The following ARHGEF7 variants were observed in gnomAD, a reference collection of about 807,000 sequenced individuals.
ARHGEF7 encodes PAK-interacting exchange factor beta.
In ARHGEF7, 33 loss-of-function variants were observed where a neutral mutation model predicts 109.8. The ratio of observed to expected loss-of-function variants is 0.30; its 90% CI spans 0.23 to 0.40. The LOEUF (loss-of-function observed/expected upper bound fraction) is 0.40. Ranked by LOEUF, ARHGEF7 falls within the 10% of genes least tolerant of loss-of-function variation. ARHGEF7 has a pLI of 1.00. For synonymous variants in ARHGEF7, 458 were observed against 424.6 expected, an observed-to-expected ratio of 1.08 and a Z score of -0.97; for missense variants, 938 against 1,098.5, an observed-to-expected ratio of 0.85 and a Z score of 2.07.
intron 12 of ARHGEF7, among the ~76,000 whole-genome samples, chr13:111,276,801 A>G (rs113375990): frequency 0.036 from 5,470 of 152,320 alleles, 169 homozygotes; most frequent in Non-Finnish European, 0.058. Flanking sequence ...TGAGGAATAT[A>G]CTTGGGGAAA....
rs568477054 is a variant in ARHGEF7 at position 111,205,206 on chromosome 13, C to T, written c.253-83C>T. On this transcript the variant is annotated intron_variant, in intron 2 of 21. Coordinates refer to ENST00000646102, the MANE Select transcript of ARHGEF7 (RefSeq NM_001354046.2). Reference sequence around the variant, plus strand: ...CTCCTTAGGATTTCAGGCTGAGCATCGTCGCGTTGCTGGGAGAACTTAGTT... The same window carrying T: ...CTCCTTAGGATTTCAGGCTGAGCATTGTCGCGTTGCTGGGAGAACTTAGTT... The T allele has an allele frequency of 8.7e-5, 91 of 1,048,258 alleles. 6 individuals carry two copies. In the South Asian group the frequency reaches 1.3e-3, roughly 15 times the overall value. The allele number at this position is 1,048,258 out of a possible 1,614,324, so 64.9% of individuals were successfully genotyped here.
chr13:111,198,513 C>T (rs188266553), intron 2 of ARHGEF7, among the ~76,000 whole-genome samples: 6 of 152,162 alleles, frequency 3.9e-5, no homozygotes, highest in East Asian at 3.9e-4. Flanking sequence ...TTTGTGGTCT[C>T]GCTGACTTCA....
intron 9 of ARHGEF7, among the ~76,000 whole-genome samples, chr13:111,268,289 A>G (rs927703451): frequency 2.6e-5 from 4 of 152,188 alleles, no homozygotes; most frequent in African/African-American, 9.7e-5. Flanking sequence ...GGAGGAGACC[A>G]CACCGGGGCT....
chr13:111,221,643 T>TTATA (rs10533031), intron 5 of ARHGEF7, among the ~76,000 whole-genome samples: 6 of 128,738 alleles, frequency 4.7e-5, no homozygotes, highest in African/African-American at 1.8e-4. Flanking sequence ...TATCTCCCCT[T>TTATA]TATATATATA....
intron 4 of ARHGEF7, among the ~76,000 whole-genome samples, chr13:111,210,327 A>G (rs1011550237): frequency 1.3e-5 from 2 of 152,248 alleles, no homozygotes; most frequent in Admixed American, 6.5e-5. Flanking sequence ...GCACATGTAC[A>G]GAAATATTGA....
chr13:111,270,615 T>TA (rs1335630470), intron 9 of ARHGEF7, among the ~76,000 whole-genome samples: 1 of 152,182 alleles, frequency 6.6e-6, no homozygotes, highest in Non-Finnish European at 1.5e-5. Flanking sequence ...GGTAACTGTT[T>TA]AGTTTTGTTA....
At chr13:111,124,757 TTTTTGTTTTG>T (rs143194754) in intron 1 of ARHGEF7, among the ~76,000 whole-genome samples, 2,351 of 152,180 alleles carry the variant, frequency 0.015, 64 homozygotes, top group African/African-American at 0.052. Flanking sequence ...CTTCTAGTTT[TTTTTGTTTTG>T]TTTTGTTTTT....
chr13:111,300,242 C>G (rs1296726546), intron 19 of ARHGEF7, among the ~76,000 whole-genome samples: 2 of 152,106 alleles, frequency 1.3e-5, no homozygotes, highest in African/African-American at 2.4e-5. Flanking sequence ...TCATAAAGGA[C>G]CAAATAATGT....
intron 6 of ARHGEF7, among the ~76,000 whole-genome samples, chr13:111,237,914 G>C (rs1015446432): frequency 6.6e-6 from 1 of 152,192 alleles, no homozygotes; most frequent in African/African-American, 2.4e-5. Flanking sequence ...GATTATGGGG[G>C]AAGTCTTTGG....
rs76933244 is a variant in ARHGEF7 at position 111,277,885 on chromosome 13, A to T, written c.1506+212A>T. ...AATTTCAAAAAAGGAAAGAAGTGTAAACTGTAGAGCAACCTCATAAGGACA... is the reference window on the plus strand; with the variant it reads ...AATTTCAAAAAAGGAAAGAAGTGTATACTGTAGAGCAACCTCATAAGGACA... On this transcript the variant is annotated intron_variant, in intron 13 of 21. Coordinates refer to ENST00000646102, the MANE Select transcript of ARHGEF7 (RefSeq NM_001354046.2). 9.7e-3 allele frequency among the ~76,000 whole-genome samples: 1,473 copies of T among 152,304 alleles called. 25 individuals are homozygous for T. The highest frequency in any genetic ancestry group is 0.033 in the African/African-American group (1,389 of 41,552).
chr13:111,267,478 T>C (rs777128469), intron 8 of ARHGEF7, 70 bp from the exon 9 acceptor site: 1 of 1,593,146 alleles, frequency 6.3e-7, no homozygotes, highest in Non-Finnish European at 8.6e-7. Context: ...GAGTATTATA[T>C]GTCTGTCAGT....
intron 2 of ARHGEF7, among the ~76,000 whole-genome samples, chr13:111,164,163 T>C (rs2076951025): frequency 6.6e-6 from 1 of 152,214 alleles, no homozygotes. Flanking sequence ...TGTACTGTTT[T>C]GTTGAAACCT....
At chr13:111,231,313 T>G (rs2153523332) in intron 5 of ARHGEF7, among the ~76,000 whole-genome samples, 1 of 152,356 alleles carries the variant, frequency 6.6e-6, no homozygotes, top group South Asian at 2.1e-4. Context: ...AAGAATAGAT[T>G]GGTTTTCCTC....
intron 16 of ARHGEF7, 132 bp downstream of exon 16, chr13:111,283,495 C>G: frequency 7.1e-7 from 1 of 1,401,340 alleles, no homozygotes; most frequent in Admixed American, 2.7e-5. Context: ...AAGGGGGGGT[C>G]TGCCTTGGTT....
At position 111,228,721 on chromosome 13, in the gene ARHGEF7, G is replaced by A. The variant is rs918468719; in HGVS notation, c.671-4484G>A. Among the ~76,000 whole-genome samples, 1 of 152,084 alleles carries A rather than the reference G, an allele frequency of 6.6e-6. No homozygotes were observed. Among genetic ancestry groups the A allele is most frequent in the Non-Finnish European group, 1.5e-5 (1 of 68,008 alleles). ...GGCAGGCAGACACTGCTGAGCACGG[G>A]CAGACACACACAGACATTGACTCTG... is the stretch of plus-strand genomic sequence containing the variant. On this transcript the variant is annotated intron_variant, in intron 5 of 21. Transcript: ENST00000646102. This position sits in a 1 kb window ranked among gnomAD's most constrained non-coding sequence, Gnocchi z 4.6.
chr13:111,125,185 C>A (rs2067476673), intron 1 of ARHGEF7, among the ~76,000 whole-genome samples: 1 of 151,996 alleles, frequency 6.6e-6, no homozygotes. Flanking sequence ...GACCTGGAAT[C>A]TTTCCATGAT....
At chr13:111,216,412 C>T (rs1012169778) in intron 4 of ARHGEF7, among the ~76,000 whole-genome samples, 1 of 151,944 alleles carries the variant, frequency 6.6e-6, no homozygotes, top group African/African-American at 2.4e-5. Context: ...CACCTGCTGC[C>T]ACCTGGTGGG....
Position 111,274,733 on chromosome 13 carries a change from T to C in ARHGEF7, c.1215T>C (p.Asp405=). Residue 405 remains aspartate (D), a splice_region_variant and synonymous_variant, in exon 11 of 22, where the codon GAT becomes GAC. Coordinates refer to ENST00000646102, the MANE Select transcript of ARHGEF7 (RefSeq NM_001354046.2). ...LLKELERHME[D]YHTDRQDIQK... ...TTGTATGTTTCTTTTACTCAAAGGA[T>C]TATCATACAGATAGACAAGATATTC... 1 of 1,484,338 alleles carries C rather than the reference T, an allele frequency of 6.7e-7. No individual in the cohort carries two copies. The highest frequency in any genetic ancestry group is 9.0e-7 in the Non-Finnish European group (1 of 1,113,892). The allele number at this position is 1,484,338 out of a possible 1,614,324, so 91.9% of individuals were successfully genotyped here.
chr13:111,153,592 G>A (rs1010716615), intron 1 of ARHGEF7: 3 of 1,119,846 alleles, frequency 2.7e-6, no homozygotes, highest in Non-Finnish European at 2.2e-6. Flanking sequence ...GCGAACACCC[G>A]ACGCTATCCG....
Sources: gnomAD v4.1 joint callset for allele counts (sites outside exome capture counted in the v4.1 genomes callset) on GRCh38, gnomAD v4.1.1 for gene constraint, Gnocchi (gnomAD v3.1) non-coding constraint, MANE v1.5 for transcripts, NCBI Gene and HGNC (gene_info 2026-07-23, HGNC 2026-07-21) for gene names.